PPP1R12A: variants seen among roughly 807,000 people sequenced by gnomAD.
PPP1R12A encodes myosin binding subunit.
In PPP1R12A, 19 loss-of-function variants were observed where a neutral mutation model predicts 139.6. That is an observed-to-expected ratio of 0.14 (90% CI 0.09 to 0.20). PPP1R12A has a LOEUF of 0.20. Ranked by LOEUF, PPP1R12A falls within the 10% of genes least tolerant of loss-of-function variation. PPP1R12A has a pLI of 1.00. For missense variants in PPP1R12A, 925 were observed against 1,211.5 expected (o/e 0.76, Z 3.51); for synonymous variants, 427 against 420.6 (o/e 1.02, Z -0.19).
Position 79,832,419 on chromosome 12 carries a change from C to T in PPP1R12A, c.560G>A (p.Ser187Asn). Reference protein sequence around the residue: ...MLRDARQWLNSGHINDVRHAK... With the variant: ...MLRDARQWLNNGHINDVRHAK... ...ATGCCGGACATCATTTATATGACCA[C>T]TATTTAGCCACTGCCTGGCATCTCT... Residue 187 changes from serine (S) to asparagine (N), a missense_variant, in exon 4 of 25, where the codon AGT (serine) becomes AAT (asparagine). Around this residue, in one of 4 missense-constraint regions of PPP1R12A, gnomAD observed 199 missense variants for 352.4 expected, o/e 0.56. Transcript: ENST00000450142. 1.2e-6 allele frequency: 2 copies of T among 1,613,606 alleles called. No individual in the cohort carries two copies. The highest frequency in any genetic ancestry group is 1.7e-6 in the Non-Finnish European group (2 of 1,179,684).
chr12:79,864,402 T>G (rs1172670518), intron 2 of PPP1R12A, among the ~76,000 whole-genome samples: 3 of 151,972 alleles, frequency 2.0e-5, no homozygotes, highest in African/African-American at 7.3e-5. Flanking sequence ...GATCTAAAAC[T>G]GACACCCTAA....
intron 2 of PPP1R12A, among the ~76,000 whole-genome samples, chr12:79,863,913 A>G (rs956391050): frequency 1.3e-5 from 2 of 152,178 alleles, no homozygotes; most frequent in African/African-American, 4.8e-5. Flanking sequence ...CCCCACTGTC[A>G]ATATTAAATG....
In PPP1R12A at chr12:79,793,849, G is replaced by C; in HGVS notation, c.2649+14C>G. The C allele has an allele frequency of 6.5e-7, 1 of 1,546,714 alleles. No individual in the cohort carries two copies. The highest frequency in any genetic ancestry group is 8.8e-7 in the Non-Finnish European group (1 of 1,135,960). On this transcript the variant is annotated intron_variant, in intron 19 of 24. Transcript: ENST00000450142. Reference sequence around the variant, plus strand: ...ATATGAATACTTCTCAATACAAAAAGTAATGGTATTTACCTGAGTTTCTTT... The same window carrying C: ...ATATGAATACTTCTCAATACAAAAACTAATGGTATTTACCTGAGTTTCTTT...
At chr12:79,863,177 A>T (rs1019733532) in intron 2 of PPP1R12A, among the ~76,000 whole-genome samples, 2 of 152,178 alleles carry the variant, frequency 1.3e-5, no homozygotes, top group Non-Finnish European at 2.9e-5. Flanking sequence ...ATTCTTAAAG[A>T]AAAGAATTTT....
At chr12:79,851,310 CATT>C (rs952684265) in intron 2 of PPP1R12A, among the ~76,000 whole-genome samples, 1 of 152,188 alleles carries the variant, frequency 6.6e-6, no homozygotes, top group Non-Finnish European at 1.5e-5. Context: ...GATTATTTCT[CATT>C]AGTAGAAATG....
At chr12:79,887,604 G>A (rs1884226797) in intron 1 of PPP1R12A, among the ~76,000 whole-genome samples, 2 of 152,194 alleles carry the variant, frequency 1.3e-5, no homozygotes, top group East Asian at 3.9e-4. Context: ...CTGGAGACAG[G>A]GTGGAAGGCA....
intron 9 of PPP1R12A, among the ~76,000 whole-genome samples, chr12:79,816,023 A>G (rs749674884): frequency 1.8e-4 from 27 of 152,098 alleles, no homozygotes; most frequent in Non-Finnish European, 1.9e-4. Context: ...AAAAAGATCT[A>G]TATTTTGACC....
chr12:79,786,609 A>T (rs1287275941), intron 21 of PPP1R12A, 131 bp from the exon 22 acceptor site: 4 of 554,446 alleles, frequency 7.2e-6, no homozygotes, highest in African/African-American at 2.0e-5. Flanking sequence ...CATTTAAAAA[A>T]TCCTTCATGG....
intron 1 of PPP1R12A, among the ~76,000 whole-genome samples, chr12:79,876,998 A>G (rs1006976466): frequency 6.7e-6 from 1 of 149,116 alleles, no homozygotes; most frequent in Non-Finnish European, 1.5e-5. Context: ...GCAACAGAGC[A>G]AGACTCCATC....
chr12:79,836,453 ACC>A (rs1360515472), intron 3 of PPP1R12A, among the ~76,000 whole-genome samples: 1 of 152,098 alleles, frequency 6.6e-6, no homozygotes, highest in African/African-American at 2.4e-5. Flanking sequence ...GTTAAAAAAA[ACC>A]TACTTCTTTT....
intron 9 of PPP1R12A, among the ~76,000 whole-genome samples, chr12:79,817,011 C>A (rs1875481832): frequency 6.6e-6 from 1 of 151,918 alleles, no homozygotes; most frequent in Non-Finnish European, 1.5e-5. Context: ...TATCAACATG[C>A]ACACCTCTAC....
At chr12:79,811,593 G>A (rs1017533596) in intron 9 of PPP1R12A, among the ~76,000 whole-genome samples, 4 of 152,230 alleles carry the variant, frequency 2.6e-5, no homozygotes, top group Non-Finnish European at 5.9e-5. Context: ...TGTGCAATAT[G>A]ATAGGTACTG....
At chr12:79,778,508 C>A in intron 24 of PPP1R12A, 42 bp downstream of exon 24, 1 of 1,321,094 alleles carries the variant, frequency 7.6e-7, no homozygotes, top group Non-Finnish European at 1.0e-6. Flanking sequence ...AACATTAATA[C>A]ATAAACAGCA....
intron 9 of PPP1R12A, among the ~76,000 whole-genome samples, chr12:79,813,384 C>T (rs1874854021): frequency 1.3e-5 from 2 of 152,140 alleles, no homozygotes; most frequent in African/African-American, 4.8e-5. Flanking sequence ...AATATAATTT[C>T]TTCTCCTTTT....
intron 9 of PPP1R12A, among the ~76,000 whole-genome samples, chr12:79,812,716 C>A (rs1276393998): frequency 6.6e-6 from 1 of 152,044 alleles, no homozygotes; most frequent in Non-Finnish European, 1.5e-5. Flanking sequence ...AGAACTATAA[C>A]TGAAAACTTG....
chr12:79,847,767 C>G (rs1218816644), intron 2 of PPP1R12A, among the ~76,000 whole-genome samples: 4 of 151,970 alleles, frequency 2.6e-5, no homozygotes, highest in Admixed American at 6.6e-5. Context: ...TTAGTGAAGT[C>G]AGAAAAGGAT....
intron 1 of PPP1R12A, among the ~76,000 whole-genome samples, chr12:79,887,689 A>T (rs776782850): frequency 6.6e-6 from 1 of 152,142 alleles, no homozygotes; most frequent in Non-Finnish European, 1.5e-5. Flanking sequence ...AGAGGGGTTT[A>T]ATCAATAAAT....
At chr12:79,834,887 C>G (rs1006360161) in intron 3 of PPP1R12A, among the ~76,000 whole-genome samples, 2 of 152,130 alleles carry the variant, frequency 1.3e-5, no homozygotes, top group African/African-American at 4.8e-5. Flanking sequence ...GAATTTCTCC[C>G]TTTACCTTAC....
At chr12:79,862,021 C>CTGA (rs1391597514) in intron 2 of PPP1R12A, among the ~76,000 whole-genome samples, 3 of 152,274 alleles carry the variant, frequency 2.0e-5, no homozygotes, top group African/African-American at 7.2e-5. Flanking sequence ...AACAGGGTCC[C>CTGA]CGACCCCTGT....
Sources: gnomAD v4.1 joint callset for allele counts (sites outside exome capture counted in the v4.1 genomes callset) on GRCh38, gnomAD v4.1.1 for gene constraint, gnomAD v4.1.1 regional missense constraint, MANE v1.5 for transcripts, NCBI Gene and HGNC (gene_info 2026-07-23, HGNC 2026-07-21) for gene names.